Variants in TRPM2 observed in about 807,000 individuals in gnomAD.
The protein encoded by TRPM2 is transient receptor potential cation channel subfamily M member 2.
TRPM2 carries 161 observed loss-of-function variants against 174.0 expected under a neutral mutation model. The ratio of observed to expected loss-of-function variants is 0.93; its 90% CI spans 0.81 to 1.05. The LOEUF (loss-of-function observed/expected upper bound fraction) is 1.05, where lower values mean the gene tolerates loss of function less well. Among genes scored for constraint, TRPM2 ranks in the 50% least tolerant of loss-of-function variants. The pLI, the probability that TRPM2 is intolerant of heterozygous loss-of-function variation, is 0.00. For missense variants in TRPM2, 2,057 were observed against 2,038.0 expected (o/e 1.01, Z -0.18); for synonymous variants, 954 against 861.3 (o/e 1.11, Z -1.88).
At chr21:44,397,554 G>A (rs1170896704) in intron 12 of TRPM2, among the ~76,000 whole-genome samples, 193 bp from the exon 13 acceptor site, 1 of 152,004 alleles carries the variant, frequency 6.6e-6, no homozygotes, top group Admixed American at 6.6e-5. Context: ...AGGAGCCTGG[G>A]CCATCATCAG....
At chr21:44,371,657 T>C (rs905912227) in intron 5 of TRPM2, among the ~76,000 whole-genome samples, 2 of 152,206 alleles carry the variant, frequency 1.3e-5, no homozygotes, top group African/African-American at 4.8e-5. Flanking sequence ...GATGCCTTCA[T>C]ATCCAGATCT....
intron 9 of TRPM2, 125 bp from the exon 10 acceptor site, chr21:44,390,775 TGCGC>T: frequency 7.9e-7 from 1 of 1,272,794 alleles, no homozygotes; most frequent in Non-Finnish European, 1.1e-6. Flanking sequence ...CACTGGGTGC[TGCGC>T]CTGTCACTTT....
chr21:44,396,893 T>G (rs1602218427), intron 12 of TRPM2, among the ~76,000 whole-genome samples: 1 of 55,362 alleles, frequency 1.8e-5, no homozygotes, highest in African/African-American at 7.9e-5. Context: ...TGTGGAGGGC[T>G]GTGGAGGGGT....
intron 11 of TRPM2, among the ~76,000 whole-genome samples, chr21:44,394,052 G>A (rs927816318): frequency 1.3e-5 from 2 of 151,922 alleles, no homozygotes; most frequent in Non-Finnish European, 2.9e-5. Flanking sequence ...TTTTGTATTA[G>A]TAGAGATGGA....
Position 44,425,530 on chromosome 21 carries a change from A to T in TRPM2, c.3638-140A>T, listed in dbSNP as rs1254197028. Reference sequence around the variant, plus strand: ...CTGCCCACTTCAGAGCTGGTGTTCGACCTGCATGGCCATTTGGGCTCGGGG... The same window carrying T: ...CTGCCCACTTCAGAGCTGGTGTTCGTCCTGCATGGCCATTTGGGCTCGGGG... On this transcript the variant is annotated intron_variant, in intron 24 of 31. Transcript: ENST00000397928. 10 of 1,070,724 alleles carry T rather than the reference A, an allele frequency of 9.3e-6. No homozygotes were observed. In the African/African-American group the frequency reaches 1.6e-4, roughly 17 times the overall value. 66.3% of individuals were successfully genotyped at this position (1,070,724 alleles called of 1,614,324 possible). A position where few individuals can be genotyped will look rare whatever the true frequency, so the allele number is the denominator to read the frequency against.
intron 6 of TRPM2, among the ~76,000 whole-genome samples, chr21:44,377,113 G>A (rs780012582): frequency 1.3e-5 from 2 of 152,228 alleles, no homozygotes; most frequent in African/African-American, 4.8e-5. Flanking sequence ...TAGGACATCT[G>A]GGGTGGGATG....
chr21:44,421,731 T>G (rs756155345), intron 22 of TRPM2, among the ~76,000 whole-genome samples: 6 of 151,978 alleles, frequency 3.9e-5, no homozygotes, highest in Admixed American at 6.6e-5. Flanking sequence ...GGTAACATAG[T>G]GAGACCCCAT....
rs987506779 is a variant in TRPM2, at chr21:44,405,912, C to T, written c.2665C>T (p.Pro889Ser). ...FVAGLTCRLIPATLYPGRVIL... is the reference protein window; with the variant it reads ...FVAGLTCRLISATLYPGRVIL... ...CTTCTGCCCGGCGGCCAGGCTCATC[C>T]CGGCGACGCTGTACCCCGGGCGCGT... The change falls in exon 18 of 32, where the codon CCG becomes TCG. Residue 889 changes from proline to serine, a missense_variant. Transcript: ENST00000397928. 6.2e-7 allele frequency: 1 copy of T among 1,602,854 alleles called. No individual in the cohort carries two copies. The highest frequency in any genetic ancestry group is 8.5e-7 in the Non-Finnish European group (1 of 1,179,424).
At chr21:44,426,155 C>A (rs964535854) in intron 25 of TRPM2, among the ~76,000 whole-genome samples, 6 of 144,874 alleles carry the variant, frequency 4.1e-5, no homozygotes, top group Non-Finnish European at 7.6e-5. Context: ...TGGTCCTAGA[C>A]CCCACCCACC....
chr21:44,422,236 G>A (rs2050576655), intron 22 of TRPM2: 3 of 1,532,752 alleles, frequency 2.0e-6, no homozygotes, highest in Non-Finnish European at 2.6e-6. Flanking sequence ...CAGCACTGAG[G>A]TGAGCTGAGT....
At chr21:44,361,558 A>G (rs891274502) in intron 2 of TRPM2, among the ~76,000 whole-genome samples, 2 of 151,620 alleles carry the variant, frequency 1.3e-5, no homozygotes, top group East Asian at 3.9e-4. Context: ...TTTAATTGTC[A>G]TATTTAGAAA....
rs1373884957 is a variant in TRPM2 at position 44,441,848 on chromosome 21, A to G, written c.*31A>G. 6.4e-7 allele frequency: 1 copy of G among 1,565,324 alleles called. No individual in the cohort carries two copies. Among genetic ancestry groups the G allele is most frequent in the Non-Finnish European group, 8.7e-7 (1 of 1,153,148 alleles). ...CCCTCAGGCTGGGCGGCTCCAGTCC[A>G]TAGACGTTCCCCCCAGAAACCAGGG... On this transcript the variant is annotated 3_prime_UTR_variant, in exon 32 of 32. Transcript: ENST00000397928.
chr21:44,410,065 G>A (rs1478929152), intron 19 of TRPM2, among the ~76,000 whole-genome samples: 9 of 150,202 alleles, frequency 6.0e-5, no homozygotes, highest in African/African-American at 2.0e-4. Context: ...GCGCTGTCTT[G>A]GTGAGCGTAG....
At chr21:44,441,643 G>A (rs2051508325) in intron 31 of TRPM2, 49 bp from the exon 32 acceptor site, 1 of 1,574,868 alleles carries the variant, frequency 6.3e-7, no homozygotes, top group South Asian at 1.2e-5. Context: ...GCTCAGCTGG[G>A]CAGAGGCAGG....
At chr21:44,363,858 G>A (rs1569016683) in intron 2 of TRPM2, among the ~76,000 whole-genome samples, 1 of 152,164 alleles carries the variant, frequency 6.6e-6, no homozygotes, top group African/African-American at 2.4e-5. Flanking sequence ...CCCACAAAGG[G>A]TGAAGTCTAA....
chr21:44,427,744 C>A (rs1462893693), intron 27 of TRPM2, among the ~76,000 whole-genome samples: 1 of 152,158 alleles, frequency 6.6e-6, no homozygotes, highest in Non-Finnish European at 1.5e-5. Context: ...GACGGGGGGA[C>A]TGCGTGGCAG....
chr21:44,414,079 G>GC lies in TRPM2; in HGVS notation c.3146+6dup, dbSNP rs757581287. The GC allele has an allele frequency of 2.5e-6, 4 of 1,608,200 alleles. No individual in the cohort carries two copies. The highest frequency in any genetic ancestry group is 3.4e-6 in the Non-Finnish European group (4 of 1,177,018). Reference sequence around the variant, plus strand: ...CCTCCTCATCGCCATGTTCAAGTGAGCGCCTGGGTGGGGCTGGCGTGCAGG... The same window carrying GC: ...CCTCCTCATCGCCATGTTCAAGTGAGCCGCCTGGGTGGGGCTGGCGTGCAGG... On this transcript the variant is annotated splice_donor_region_variant and intron_variant, in intron 20 of 31. Transcript: ENST00000397928.
At position 44,406,758 on chromosome 21, in the gene TRPM2, C is replaced by T; in HGVS notation, c.2955C>T (p.Tyr985=). 2.5e-6 allele frequency: 4 copies of T among 1,602,850 alleles called. No homozygotes were observed. Among genetic ancestry groups the T allele is most frequent in the Non-Finnish European group, 2.5e-6 (3 of 1,176,636 alleles). ...YLTIFGQIPG[Y]IDGVNFNPEH... is the part of the protein sequence containing the mutation. ...CCATCTTCGGGCAGATCCCGGGCTA[C>T]ATCGACGGTAGGAGCCGGGCGCCAT... Residue 985 remains tyrosine (Y), a synonymous_variant, in exon 19 of 32, where the codon TAC becomes TAT. Transcript: ENST00000397928.
intron 5 of TRPM2, among the ~76,000 whole-genome samples, 164 bp downstream of exon 5, chr21:44,369,507 T>G: frequency 9.4e-6 from 1 of 106,782 alleles, no homozygotes; most frequent in Admixed American, 9.6e-5. Context: ...GGGGTGTGGG[T>G]GACGTCTGAC....
Sources: allele counts gnomAD v4.1 joint callset (sites outside exome capture counted in the v4.1 genomes callset), GRCh38; gene constraint gnomAD v4.1.1; transcripts MANE v1.5; gene names NCBI Gene and HGNC (gene_info 2026-07-23, HGNC 2026-07-21).